The following ACTL6B variants were observed in gnomAD, a reference collection of about 807,000 sequenced individuals.
ACTL6B encodes actin-like protein 6B.
Under a neutral mutation model 63.3 loss-of-function variants are expected in ACTL6B, and 48 were observed. The ratio of observed to expected loss-of-function variants is 0.76; its 90% CI spans 0.60 to 0.96. The LOEUF is 0.96. ACTL6B is among the 50% of genes least tolerant of loss of function. The pLI, the probability that ACTL6B is intolerant of heterozygous loss-of-function variation, is 0.00. For synonymous variants in ACTL6B, 230 were observed against 223.8 expected (o/e 1.03, Z -0.25); for missense variants, 350 against 572.2 (o/e 0.61, Z 3.96).
chr7:100,649,991 C>T (rs749629766), intron 5 of ACTL6B, 47 bp downstream of exon 5: 1 of 1,568,310 alleles, frequency 6.4e-7, no homozygotes, highest in Non-Finnish European at 8.8e-7. Flanking sequence ...AGCACAGGCC[C>T]CACCCCAGCC....
intron 13 of ACTL6B, among the ~76,000 whole-genome samples, chr7:100,643,958 G>A (rs1424844632): frequency 6.6e-6 from 1 of 152,002 alleles, no homozygotes; most frequent in Non-Finnish European, 1.5e-5. Flanking sequence ...GGAATGCAGT[G>A]GTGCGATCTT....
chr7:100,646,699 C>T lies in ACTL6B; in HGVS notation c.1017+52G>A, dbSNP rs931187453. The T allele has an allele frequency of 3.7e-6, 6 of 1,612,710 alleles. No homozygotes were observed. In the African/African-American group the frequency reaches 8.0e-5, roughly 22 times the overall value. On this transcript the variant is annotated intron_variant, in intron 11 of 13. Transcript: ENST00000160382. The surrounding 1 kb of genome is among the most constrained non-coding windows in gnomAD (Gnocchi z 6.1). ...CGGGGGCAGCCCCCCAACCCCGTCT[C>T]CCCACTTCCCCTGGGCCCCTTTGCC...
intron 4 of ACTL6B, among the ~76,000 whole-genome samples, chr7:100,654,059 G>A (rs1015440120): frequency 2.9e-4 from 44 of 151,482 alleles, no homozygotes; most frequent in Admixed American, 2.4e-3. Context: ...TGCAAGCTCC[G>A]CCTCCCGGGT....
In ACTL6B at chr7:100,643,232, G is replaced by A. The variant is rs1430863453; in HGVS notation, c.*14C>T. ...CATCTGAGCTTGGGAGCAGGTGTGT[G>A]GGGAGGAGTGCCATCAGGGGCACTT... On this transcript the variant is annotated 3_prime_UTR_variant, in exon 14 of 14. Transcript: ENST00000160382. 1 of 1,613,558 alleles carries A rather than the reference G, an allele frequency of 6.2e-7. No homozygotes were observed. The highest frequency in any genetic ancestry group is 1.3e-5 in the African/African-American group (1 of 74,918).
intron 4 of ACTL6B, among the ~76,000 whole-genome samples, chr7:100,653,686 AAAC>A (rs539842177): frequency 2.4e-4 from 37 of 151,998 alleles, no homozygotes; most frequent in East Asian, 7.7e-4. Context: ...ACAAAACCCC[AAAC>A]AACAACAACA....
At position 100,655,751 on chromosome 7, in the gene ACTL6B, T is replaced by G. The variant is rs1804027627; in HGVS notation, c.102+52A>C. On this transcript the variant is annotated intron_variant, in intron 2 of 13. Transcript: ENST00000160382. The surrounding 1 kb of genome is among the most constrained non-coding windows in gnomAD (Gnocchi z 4.4). ...GAGAGCCCTGGGTCACTGGAAAGCC[T>G]GAAGAAGGGTCCGAAGCCCCTAGGA... 31 of 1,541,268 alleles carry G rather than the reference T, an allele frequency of 2.0e-5. 2 individuals carry two copies. In the South Asian group the frequency reaches 3.6e-4, roughly 18 times the overall value.
In ACTL6B at chr7:100,647,994, C is replaced by T. The variant is rs1485468041; in HGVS notation, c.670-461G>A. On this transcript the variant is annotated intron_variant, in intron 7 of 13. Transcript: ENST00000160382. This position sits in a 1 kb window ranked among gnomAD's most constrained non-coding sequence, Gnocchi z 4.4. ...TTTTTTTTTCAGATGGAGTCTCACT[C>T]GGTCGCCCAGGCTGGAGTGCAGTGG... Among the ~76,000 whole-genome samples the T allele has an allele frequency of 1.4e-5, 2 of 148,008 alleles. No homozygotes were observed. Among genetic ancestry groups the T allele is most frequent in the African/African-American group, 5.0e-5 (2 of 40,050 alleles).
intron 4 of ACTL6B, among the ~76,000 whole-genome samples, chr7:100,650,727 A>G (rs1414024436): frequency 6.6e-6 from 1 of 152,126 alleles, no homozygotes; most frequent in Non-Finnish European, 1.5e-5. Flanking sequence ...CATGAACAGA[A>G]ATGAAAAACT....
Position 100,647,797 on chromosome 7 carries a change from CT to C in ACTL6B, c.670-265del, listed in dbSNP as rs1281004018. On this transcript the variant is annotated intron_variant, in intron 7 of 13. Transcript: ENST00000160382. This position sits in a 1 kb window ranked among gnomAD's most constrained non-coding sequence, Gnocchi z 4.4. ...AGTGACAGAACCTCAAGGGAATGGC[CT>C]CCTAGGGGGTCATGATCCATGTGAG... 4.3e-6 allele frequency: 2 copies of C among 461,136 alleles called. No homozygotes were observed. The highest frequency in any genetic ancestry group is 7.7e-6 in the Non-Finnish European group (2 of 259,628). The allele number at this position is 461,136 out of a possible 1,614,324, so 28.6% of individuals were successfully genotyped here.
chr7:100,655,067 G>A lies in ACTL6B; in HGVS notation c.321C>T (p.His107=). The part of the protein sequence containing the change: ...RAILDHTYSK[H]VKSEPNLHPV... Reference sequence around the variant, plus strand: ...GGTGCAGGTTTGGCTCAGACTTGACGTGTTTGCTGTAGGTGTGATCCAGGA... The same window carrying A: ...GGTGCAGGTTTGGCTCAGACTTGACATGTTTGCTGTAGGTGTGATCCAGGA... The change falls in exon 4 of 14, where the codon CAC becomes CAT. Residue 107 remains histidine (H), a synonymous_variant. Transcript: ENST00000160382. This position sits in a 1 kb window ranked among gnomAD's most constrained non-coding sequence, Gnocchi z 4.4. 6.2e-7 allele frequency: 1 copy of A among 1,614,120 alleles called. No individual in the cohort carries two copies. The highest frequency in any genetic ancestry group is 8.5e-7 in the Non-Finnish European group (1 of 1,180,018).
At position 100,650,155 on chromosome 7, in the gene ACTL6B, G is replaced by C. The variant is rs772990118; in HGVS notation, c.370-20C>G. On this transcript the variant is annotated intron_variant, in intron 4 of 13. Transcript: ENST00000160382. ...GTTCCACTGTGGAGAAAGTGCAGAG[G>C]GGGAGGATTCAGGAAGGGAGAGGCA... is the stretch of plus-strand genomic sequence containing the variant. The C allele has an allele frequency of 6.2e-7, 1 of 1,611,744 alleles. No individual in the cohort carries two copies. The highest frequency in any genetic ancestry group is 8.5e-7 in the Non-Finnish European group (1 of 1,178,676).
chr7:100,652,999 C>CAAA lies in ACTL6B; in HGVS notation c.369+2017_369+2019dup, dbSNP rs58707737. On this transcript the variant is annotated intron_variant, in intron 4 of 13. Coordinates refer to ENST00000160382, the MANE Select transcript of ACTL6B (RefSeq NM_016188.5). ...CTGGTGACAGAGCAAAACTCCGTCT[C>CAAA]AAAAAAAAAAAAAAAAAAAAAAAAA... Among the ~76,000 whole-genome samples the CAAA allele has an allele frequency of 3.1e-3, 80 of 25,934 alleles. 3 individuals are homozygous for CAAA. Among genetic ancestry groups the CAAA allele is most frequent in the East Asian group, 6.4e-3 (3 of 466 alleles). 17.0% of individuals were successfully genotyped at this position (25,934 alleles called of 152,430 possible).
In ACTL6B at chr7:100,646,339, G is replaced by T; in HGVS notation, c.1114-4C>A. ...CAATGAGTTTCAGTCGCATGCTCTG[G>T]GGGTAAAAAGGGGCTGGGGGAAGCA... On this transcript the variant is annotated splice_region_variant and splice_polypyrimidine_tract_variant and intron_variant, in intron 12 of 13. Coordinates refer to ENST00000160382, the MANE Select transcript of ACTL6B (RefSeq NM_016188.5). The surrounding 1 kb of genome is among the most constrained non-coding windows in gnomAD (Gnocchi z 6.1). 1.2e-6 allele frequency: 2 copies of T among 1,613,506 alleles called. No homozygotes were observed. Among genetic ancestry groups the T allele is most frequent in the Non-Finnish European group, 1.7e-6 (2 of 1,179,760 alleles).
At chr7:100,651,662 C>A (rs184799496) in intron 4 of ACTL6B, among the ~76,000 whole-genome samples, 34 of 152,126 alleles carry the variant, frequency 2.2e-4, no homozygotes, top group African/African-American at 8.0e-4. Context: ...AGGCTGACTG[C>A]AATCTCTGCC....
At chr7:100,643,789 C>T (rs548895736) in intron 13 of ACTL6B, among the ~76,000 whole-genome samples, 1 of 152,210 alleles carries the variant, frequency 6.6e-6, no homozygotes. Flanking sequence ...ACTGTGGCAC[C>T]CCATCTGCAG....
At chr7:100,644,006 TCTC>T (rs1803773084) in intron 13 of ACTL6B, among the ~76,000 whole-genome samples, 1 of 152,110 alleles carries the variant, frequency 6.6e-6, no homozygotes. Context: ...TTCCAGCGAT[TCTC>T]CTGCTTCAGC....
In ACTL6B at chr7:100,646,327, T is replaced by G; in HGVS notation, c.1122A>C (p.Arg374=). Reference sequence around the variant, plus strand: ...TGCTGTTGCTGGCAATGAGTTTCAGTCGCATGCTCTGGGGGTAAAAAGGGG... The same window carrying G: ...TGCTGTTGCTGGCAATGAGTTTCAGGCGCATGCTCTGGGGGTAAAAAGGGG... ...ELSQKTPPSM[R]LKLIASNSTM... The change falls in exon 13 of 14, where the codon CGA becomes CGC. Residue 374 remains arginine, a synonymous_variant. Transcript: ENST00000160382. This position sits in a 1 kb window ranked among gnomAD's most constrained non-coding sequence, Gnocchi z 6.1. 6.2e-7 allele frequency: 1 copy of G among 1,613,724 alleles called. No homozygotes were observed. Among genetic ancestry groups the G allele is most frequent in the Non-Finnish European group, 8.5e-7 (1 of 1,179,900 alleles).
At position 100,646,349 on chromosome 7, in the gene ACTL6B, G is replaced by T. The variant is rs747161465; in HGVS notation, c.1114-14C>A. 1.9e-6 allele frequency: 3 copies of T among 1,613,032 alleles called. No individual in the cohort carries two copies. In the East Asian group the frequency reaches 6.7e-5, roughly 36 times the overall value. On this transcript the variant is annotated splice_polypyrimidine_tract_variant and intron_variant, in intron 12 of 13. Transcript: ENST00000160382. This position sits in a 1 kb window ranked among gnomAD's most constrained non-coding sequence, Gnocchi z 6.1. ...CAGTCGCATGCTCTGGGGGTAAAAA[G>T]GGGCTGGGGGAAGCAGACACCTAGG...
intron 4 of ACTL6B, 131 bp from the exon 5 acceptor site, chr7:100,650,266 T>G (rs936971098): frequency 3.3e-5 from 23 of 700,580 alleles, no homozygotes; most frequent in Non-Finnish European, 5.5e-5. Flanking sequence ...TGCACACACA[T>G]ACACAACCTA....
Sources: gnomAD v4.1 joint callset for allele counts (sites outside exome capture counted in the v4.1 genomes callset) on GRCh38, gnomAD v4.1.1 for gene constraint, Gnocchi (gnomAD v3.1) non-coding constraint, MANE v1.5 for transcripts, NCBI Gene and HGNC (gene_info 2026-07-23, HGNC 2026-07-21) for gene names.